GGA2: variants seen among roughly 807,000 people sequenced by gnomAD.
GGA2 encodes the protein ADP-ribosylation factor-binding protein GGA2.
In GGA2, 48 loss-of-function variants were observed where a neutral mutation model predicts 79.5. The ratio of observed to expected loss-of-function variants is 0.60; its 90% CI spans 0.48 to 0.77. The LOEUF is 0.77. Ranked by LOEUF, GGA2 falls within the 30% of genes least tolerant of loss-of-function variation. GGA2 has a pLI of 0.00. For missense variants in GGA2, 770 were observed against 774.0 expected, an observed-to-expected ratio of 0.99 and a Z score of 0.06; for synonymous variants, 317 against 302.0, an observed-to-expected ratio of 1.05 and a Z score of -0.51.
Position 23,510,355 on chromosome 16 carries a change from G to C in GGA2, c.57C>G (p.Pro19=). Residue 19 remains proline (P), a synonymous_variant, in exon 1 of 17, where the codon CCC becomes CCG. Transcript: ENST00000309859. ...AVAGTESAQG[P]PGPAASLELW... ...GCTCCAGCGACGCTGCCGGGCCCGG[G>C]GGACCCTGGGCCGACTCGGTTCCCG... 7.0e-7 allele frequency: 1 copy of C among 1,437,298 alleles called. No individual in the cohort carries two copies. The highest frequency in any genetic ancestry group is 9.1e-7 in the Non-Finnish European group (1 of 1,096,002). The allele number at this position is 1,437,298 out of a possible 1,614,324, so 89.0% of individuals were successfully genotyped here.
chr16:23,510,082 T>TGGGCGAAGTG (rs1567371818), intron 1 of GGA2, among the ~76,000 whole-genome samples: 1 of 129,298 alleles, frequency 7.7e-6, no homozygotes, highest in Non-Finnish European at 1.6e-5. Context: ...GCTGCTAAGT[T>TGGGCGAAGTG]GGGGGGTGGG....
At chr16:23,468,663 G>A (rs1281372322) in intron 16 of GGA2, among the ~76,000 whole-genome samples, 1 of 151,484 alleles carries the variant, frequency 6.6e-6, no homozygotes, top group Non-Finnish European at 1.5e-5. Context: ...TAGTAGAGAT[G>A]GGGTTTCACC....
intron 5 of GGA2, among the ~76,000 whole-genome samples, chr16:23,490,103 G>A (rs1320533640): frequency 6.6e-6 from 1 of 152,182 alleles, no homozygotes; most frequent in African/African-American, 2.4e-5. Context: ...CAAGAACAAG[G>A]AGAAAGGCTC....
intron 5 of GGA2, among the ~76,000 whole-genome samples, chr16:23,488,971 T>C (rs1160237070): frequency 6.6e-6 from 1 of 152,174 alleles, no homozygotes; most frequent in Non-Finnish European, 1.5e-5. Context: ...CTGTGGGCCT[T>C]ATGCTGTAAA....
upstream of GGA2, chr16:23,522,406 A>G (rs375929302): frequency 6.5e-6 from 1 of 152,796 alleles, no homozygotes; most frequent in Admixed American, 6.5e-5. Context: ...TGTCGCCATC[A>G]AAGAACTCAG....
At position 23,491,684 on chromosome 16, in the gene GGA2, C is replaced by T; in HGVS notation, c.468G>A (p.Lys156=). Residue 156 remains lysine (K), a synonymous_variant, in exon 5 of 17, where the codon AAG becomes AAA. Transcript: ENST00000309859. Reference sequence around the variant, plus strand: ...CAGTAAGGCAAGTCAGACCTTGTTTCTTCAGCATCTGATAAGCGTCTCGAA... The same window carrying T: ...CAGTAAGGCAAGTCAGACCTTGTTTTTTCAGCATCTGATAAGCGTCTCGAA... ...IKIRDAYQML[K]KQGIIKQDPK... 6.2e-7 allele frequency: 1 copy of T among 1,613,146 alleles called. No homozygotes were observed. Among genetic ancestry groups the T allele is most frequent in the Non-Finnish European group, 8.5e-7 (1 of 1,179,204 alleles).
At chr16:23,475,168 A>G (rs1964561644) in intron 13 of GGA2, 107 bp from the exon 14 acceptor site, 2 of 598,618 alleles carry the variant, frequency 3.3e-6, no homozygotes, top group Admixed American at 3.1e-5. Flanking sequence ...ACACACACAC[A>G]CAGAGTTAGA....
upstream of GGA2, among the ~76,000 whole-genome samples, chr16:23,512,329 G>A (rs1965076892): frequency 6.6e-6 from 1 of 152,178 alleles, no homozygotes; most frequent in Non-Finnish European, 1.5e-5. Context: ...TCCCCCGTAT[G>A]GCCTGCGTTC....
chr16:23,478,695 G>C (rs1341935378), intron 12 of GGA2, 188 bp downstream of exon 12: 2 of 736,650 alleles, frequency 2.7e-6, no homozygotes, highest in South Asian at 2.9e-5. Flanking sequence ...GCAGGAGCCT[G>C]GTGCAACCTG....
At position 23,510,433 on chromosome 16, in the gene GGA2, G is replaced by A. The variant is rs1270689539; in HGVS notation, c.-22C>T. On this transcript the variant is annotated 5_prime_UTR_variant, in exon 1 of 17. Transcript: ENST00000309859. ...CCATCGCTCCAGCCCCGACGCTGCG[G>A]CCGCGGGCGCCACTGCCTCTTCAGC... 1.0e-6 allele frequency: 1 copy of A among 963,066 alleles called. No individual in the cohort carries two copies. The highest frequency in any genetic ancestry group is 1.4e-6 in the Non-Finnish European group (1 of 725,006). The allele number at this position is 963,066 out of a possible 1,614,324, so 59.7% of individuals were successfully genotyped here.
chr16:23,478,085 G>A (rs1297298706), intron 13 of GGA2, among the ~76,000 whole-genome samples: 1 of 151,704 alleles, frequency 6.6e-6, no homozygotes, highest in Non-Finnish European at 1.5e-5. Flanking sequence ...TGTAATCCCA[G>A]CTACTTGGGA....
chr16:23,490,505 C>T (rs1243415210), intron 5 of GGA2, among the ~76,000 whole-genome samples: 1 of 152,156 alleles, frequency 6.6e-6, no homozygotes, highest in Non-Finnish European at 1.5e-5. Context: ...GAGGCTGAGG[C>T]AGGCGGATCA....
At chr16:23,514,297 G>A (rs904582041), upstream of GGA2, among the ~76,000 whole-genome samples, 9 of 151,800 alleles carry the variant, frequency 5.9e-5, no homozygotes, top group East Asian at 3.9e-4. Flanking sequence ...TTGTAGACAC[G>A]GGATTTCACC....
intron 13 of GGA2, 94 bp from the exon 14 acceptor site, chr16:23,475,155 C>A: frequency 1.2e-5 from 5 of 432,888 alleles, no homozygotes; most frequent in Admixed American, 3.9e-5. Context: ...GAAAAAATAA[C>A]ACACACACAC....
At chr16:23,486,577 C>A in intron 7 of GGA2, 133 bp downstream of exon 7, 1 of 727,434 alleles carries the variant, frequency 1.4e-6, no homozygotes, top group Non-Finnish European at 2.5e-6. Context: ...GGCTGTTCCC[C>A]AGAGTTCAGG....
rs1217653717 is a variant in GGA2 at position 23,468,903 on chromosome 16, G to A, written c.1714C>T (p.Leu572Phe). 8 of 1,602,876 alleles carry A rather than the reference G, an allele frequency of 5.0e-6. No individual in the cohort carries two copies. The Middle Eastern group carries it at 9.9e-4, about 199-fold the overall frequency. ...PPAVISQMLL[L>F]DNPHKEPIRL... ...GAACATACTTTGTGTGGATTGTCAAGCAGCAGCATCTGAGATATCACAGCT... is the reference window on the plus strand; with the variant it reads ...GAACATACTTTGTGTGGATTGTCAAACAGCAGCATCTGAGATATCACAGCT... The change falls in exon 16 of 17, where the codon CTT (leucine) becomes TTT (phenylalanine). Residue 572 changes from leucine (L) to phenylalanine (F), a missense_variant. Leu to Phe is a conservative substitution (Grantham distance 22). Coordinates refer to ENST00000309859, the MANE Select transcript of GGA2 (RefSeq NM_015044.4).
At chr16:23,485,067 A>C (rs1288652429) in intron 8 of GGA2, among the ~76,000 whole-genome samples, 1 of 152,246 alleles carries the variant, frequency 6.6e-6, no homozygotes, top group Admixed American at 6.5e-5. Context: ...AAAGGAATGA[A>C]GCAGTGACAC....
chr16:23,496,955 TAAAA>T (rs572552890), intron 1 of GGA2, among the ~76,000 whole-genome samples: 1 of 123,076 alleles, frequency 8.1e-6, no homozygotes, highest in Non-Finnish European at 1.7e-5. Context: ...AGACTCCATC[TAAAA>T]AAAAAAAAAA....
chr16:23,498,312 C>T (rs976893222), intron 1 of GGA2, among the ~76,000 whole-genome samples: 3 of 151,016 alleles, frequency 2.0e-5, no homozygotes, highest in African/African-American at 7.3e-5. Flanking sequence ...TGGTGGCACA[C>T]ACCTGCAGTC....
Sources: gnomAD v4.1 joint callset for allele counts (sites outside exome capture counted in the v4.1 genomes callset) on GRCh38, gnomAD v4.1.1 for gene constraint, MANE v1.5 for transcripts, NCBI Gene and HGNC (gene_info 2026-07-23, HGNC 2026-07-21) for gene names.